Variants in WDR91 observed in about 807,000 individuals in gnomAD.
WDR91 encodes WD repeat domain 91.
In WDR91, 52 loss-of-function variants were observed where a neutral mutation model predicts 88.4. The ratio of observed to expected loss-of-function variants is 0.59; its 90% CI spans 0.47 to 0.74. The LOEUF (loss-of-function observed/expected upper bound fraction) is 0.74. Among genes scored for constraint, WDR91 ranks in the 30% least tolerant of loss-of-function variants. The probability of loss-of-function intolerance (pLI) is 0.00; values close to 1 mark genes in which losing one functional copy is unlikely to be tolerated. For synonymous variants in WDR91, 362 were observed against 389.5 expected, an observed-to-expected ratio of 0.93 and a Z score of 0.83; for missense variants, 824 against 954.5, an observed-to-expected ratio of 0.86 and a Z score of 1.80.
intron 13 of WDR91, among the ~76,000 whole-genome samples, chr7:135,188,095 G>A (rs1055113462): frequency 1.3e-5 from 2 of 152,028 alleles, no homozygotes; most frequent in African/African-American, 4.8e-5. Context: ...GCTGTACCCA[G>A]CCACTCAGCA....
intron 1 of WDR91, among the ~76,000 whole-genome samples, chr7:135,210,326 A>C (rs1352798807): frequency 1.3e-5 from 2 of 152,304 alleles, no homozygotes; most frequent in East Asian, 1.9e-4. Flanking sequence ...CTCCAGCCTA[A>C]GCGACAGAGT....
intron 3 of WDR91, 81 bp from the exon 4 acceptor site, chr7:135,207,283 T>G: frequency 8.4e-7 from 1 of 1,188,550 alleles, no homozygotes; most frequent in Non-Finnish European, 1.2e-6. Context: ...GTAAAACACA[T>G]GAGACACAGG....
At chr7:135,201,713 A>G (rs1341523381) in intron 6 of WDR91, among the ~76,000 whole-genome samples, 2 of 152,250 alleles carry the variant, frequency 1.3e-5, no homozygotes, top group African/African-American at 4.8e-5. Flanking sequence ...GCAGCGAGGA[A>G]AAAAGATGAC....
At position 135,195,184 on chromosome 7, in the gene WDR91, TA is replaced by T. The variant is rs151003164; in HGVS notation, c.1245-101del. 14 of 1,287,164 alleles carry T rather than the reference TA, an allele frequency of 1.1e-5. No homozygotes were observed. The South Asian group carries it at 2.1e-4, about 19-fold the overall frequency. The allele number at this position is 1,287,164 out of a possible 1,614,324, so 79.7% of individuals were successfully genotyped here. On this transcript the variant is annotated intron_variant, in intron 8 of 14. Transcript: ENST00000354475. ...CACTTTCCTGACTTCCTTACTGTTT[TA>T]AAAAAACAATCCCTAGAGGTCTACA...
At chr7:135,199,950 T>C (rs17168306) in intron 6 of WDR91, 4 of 152,140 alleles carry the variant, frequency 2.6e-5, no homozygotes, top group Non-Finnish European at 5.9e-5. Flanking sequence ...ACAAAGGTAA[T>C]ACTTCCCTCA....
rs1421564094 is a variant in WDR91, at chr7:135,189,426, G to A, written c.1686C>T (p.Pro562=). 6.2e-7 allele frequency: 1 copy of A among 1,613,922 alleles called. No homozygotes were observed. Among genetic ancestry groups the A allele is most frequent in the East Asian group, 2.2e-5 (1 of 44,886 alleles). The change falls in exon 12 of 15, where the codon CCC becomes CCT. Residue 562 remains proline (P), a synonymous_variant. Transcript: ENST00000354475. The stretch of plus-strand genomic sequence containing the variant: ...TGAAGGCTGTACAGTTGATAGCAAT[G>A]GGTTCTGGATCCAGGGAGAACTGGA... The part of the protein sequence containing the change: ...QQLQFSLDPE[P]IAINCTAFNH...
At chr7:135,204,537 G>A (rs1831693115) in intron 5 of WDR91, 104 bp from the exon 6 acceptor site, 3 of 1,297,280 alleles carry the variant, frequency 2.3e-6, no homozygotes, top group Non-Finnish European at 3.2e-6. Context: ...GACCAGGCCT[G>A]GGTCAGGTCC....
chr7:135,207,276 A>G, intron 3 of WDR91, 74 bp from the exon 4 acceptor site: 1 of 1,273,120 alleles, frequency 7.9e-7, no homozygotes, highest in Non-Finnish European at 1.1e-6. Flanking sequence ...CACACCAGTA[A>G]AACACATGAG....
intron 7 of WDR91, 71 bp downstream of exon 7, chr7:135,197,922 G>A (rs1831429591): frequency 3.2e-6 from 5 of 1,540,896 alleles, no homozygotes; most frequent in African/African-American, 1.4e-5. Context: ...AGAGAGAGAA[G>A]AGAAGACCCC....
chr7:135,187,724 C>T (rs560102849), intron 13 of WDR91, among the ~76,000 whole-genome samples: 11 of 152,268 alleles, frequency 7.2e-5, no homozygotes, highest in African/African-American at 2.4e-4. Context: ...CTTAGCCTAC[C>T]CTACGGACAG....
chr7:135,186,456 G>T, intron 14 of WDR91, 141 bp from the exon 15 acceptor site: 2 of 943,162 alleles, frequency 2.1e-6, no homozygotes, highest in Non-Finnish European at 3.1e-6. Context: ...TTAACTTTTT[G>T]AACCAGGAAA....
rs201325806 is a variant in WDR91 at position 135,196,217 on chromosome 7, G to A, written c.1171C>T (p.Arg391Cys). Reference protein sequence around the residue: ...SSAGPEGGGVRPEQPFIVLGQ... With the variant: ...SSAGPEGGGVCPEQPFIVLGQ... The stretch of plus-strand genomic sequence containing the variant: ...AGCACAATAAAGGGCTGCTCGGGGC[G>A]GACTCCTCCACCCTCAGGGCCTGCC... The change falls in exon 8 of 15, where the codon CGC (arginine) becomes TGC (cysteine). Residue 391 changes from arginine (R) to cysteine (C), a missense_variant. By Grantham distance (180) the Arg-to-Cys change is radical. Transcript: ENST00000354475. The surrounding 1 kb of genome is among the most constrained non-coding windows in gnomAD (Gnocchi z 4.2). 65 of 1,611,594 alleles carry A rather than the reference G, an allele frequency of 4.0e-5. No individual in the cohort carries two copies. Among genetic ancestry groups the A allele is most frequent in the African/African-American group, 6.7e-5 (5 of 74,906 alleles).
Position 135,196,128 on chromosome 7 carries a change from C to A in WDR91, c.1244+16G>T. ...CTGAGCTTCCCAGGGTTTCCTTGGC[C>A]CCAGGCCCAACCCACCTGCAGTGCA... On this transcript the variant is annotated intron_variant, in intron 8 of 14. Coordinates refer to ENST00000354475, the MANE Select transcript of WDR91 (RefSeq NM_014149.4). The surrounding 1 kb of genome is among the most constrained non-coding windows in gnomAD (Gnocchi z 4.2). 6.7e-7 allele frequency: 1 copy of A among 1,485,602 alleles called. No individual in the cohort carries two copies. The highest frequency in any genetic ancestry group is 9.0e-7 in the Non-Finnish European group (1 of 1,112,000). 92.0% of individuals were successfully genotyped at this position (1,485,602 alleles called of 1,614,324 possible).
rs1269127461 is a variant in WDR91, at chr7:135,206,068, G to T, written c.595-10C>A. On this transcript the variant is annotated splice_polypyrimidine_tract_variant and intron_variant, in intron 4 of 14. Transcript: ENST00000354475. Reference sequence around the variant, plus strand: ...CTTGCAATGCAAAAAGCTATACAGGGGTGGGACTGAGTTAGCCAATGATCT... The same window carrying T: ...CTTGCAATGCAAAAAGCTATACAGGTGTGGGACTGAGTTAGCCAATGATCT... The T allele has an allele frequency of 6.2e-7, 1 of 1,613,986 alleles. No individual in the cohort carries two copies. Among genetic ancestry groups the T allele is most frequent in the African/African-American group, 1.3e-5 (1 of 74,896 alleles).
intron 3 of WDR91, 47 bp from the exon 4 acceptor site, chr7:135,207,249 C>T (rs1831829749): frequency 6.6e-7 from 1 of 1,515,728 alleles, no homozygotes; most frequent in Non-Finnish European, 9.1e-7. Flanking sequence ...GTTTAAACGT[C>T]CTTCCCAAAC....
chr7:135,209,829 T>C, intron 1 of WDR91, 74 bp from the exon 2 acceptor site: 2 of 1,337,032 alleles, frequency 1.5e-6, no homozygotes, highest in East Asian at 2.7e-5. Context: ...TAAAGCTTTT[T>C]CCTCTTGTCA....
In WDR91 at chr7:135,196,400, C is replaced by T. The variant is rs571607471; in HGVS notation, c.1051-63G>A. ...GGGTCCCCCACACCAGGGTGTACACCGCAGGGGGTCTAGGCCTAGGCTGCA... is the reference window on the plus strand; with the variant it reads ...GGGTCCCCCACACCAGGGTGTACACTGCAGGGGGTCTAGGCCTAGGCTGCA... On this transcript the variant is annotated intron_variant, in intron 7 of 14. Coordinates refer to ENST00000354475, the MANE Select transcript of WDR91 (RefSeq NM_014149.4). The surrounding 1 kb of genome is among the most constrained non-coding windows in gnomAD (Gnocchi z 4.2). 1,165 of 1,421,652 alleles carry T rather than the reference C, an allele frequency of 8.2e-4. 26 individuals carry two copies. In the South Asian group the frequency reaches 0.016, roughly 20 times the overall value. 88.1% of individuals were successfully genotyped at this position (1,421,652 alleles called of 1,614,324 possible).
intron 14 of WDR91, among the ~76,000 whole-genome samples, chr7:135,186,639 G>A (rs1320160352): frequency 6.6e-6 from 1 of 152,236 alleles, no homozygotes; most frequent in Non-Finnish European, 1.5e-5. Flanking sequence ...CCTGGCAGGT[G>A]CTCATGAATC....
chr7:135,196,982 C>A lies in WDR91; in HGVS notation c.1051-645G>T, dbSNP rs1288280608. 6.6e-6 allele frequency: 1 copy of A among 152,310 alleles called. No individual in the cohort carries two copies. The highest frequency in any genetic ancestry group is 2.4e-5 in the African/African-American group (1 of 41,438). The allele number at this position is 152,310 out of a possible 1,614,324, so 9.4% of individuals were successfully genotyped here. A position where few individuals can be genotyped will look rare whatever the true frequency, so the allele number is the denominator to read the frequency against. ...CAGAGACCCAAGGGCCACTGGGGGT[C>A]CAAGGCTGCCCCATCTCTACGTCCC... On this transcript the variant is annotated intron_variant, in intron 7 of 14. Coordinates refer to ENST00000354475, the MANE Select transcript of WDR91 (RefSeq NM_014149.4). This position sits in a 1 kb window ranked among gnomAD's most constrained non-coding sequence, Gnocchi z 4.2.
Sources: allele counts gnomAD v4.1 joint callset (sites outside exome capture counted in the v4.1 genomes callset), GRCh38; gene constraint gnomAD v4.1.1; non-coding constraint Gnocchi (gnomAD v3.1); transcripts MANE v1.5; gene names NCBI Gene and HGNC (gene_info 2026-07-23, HGNC 2026-07-21).